The following FRYL variants were observed in gnomAD, a reference collection of about 807,000 sequenced individuals.
FRYL encodes the protein FRY like transcription coactivator, also known as protein furry homolog-like.
FRYL carries 150 observed loss-of-function variants against 351.2 expected under a neutral mutation model. That is an observed-to-expected ratio of 0.43 (90% CI 0.37 to 0.49). The LOEUF is 0.49. Ranked by LOEUF, FRYL falls within the 20% of genes least tolerant of loss-of-function variation. The pLI is 0.00. For synonymous variants in FRYL, 1,153 were observed against 1,257.1 expected, an observed-to-expected ratio of 0.92 and a Z score of 1.75; for missense variants, 3,036 against 3,619.3, an observed-to-expected ratio of 0.84 and a Z score of 4.13.
At position 48,521,088 on chromosome 4, in the gene FRYL, A is replaced by G. The variant is rs1724805001; in HGVS notation, c.7649T>C (p.Leu2550Ser). 1 of 1,613,374 alleles carries G rather than the reference A, an allele frequency of 6.2e-7. No individual in the cohort carries two copies. Among genetic ancestry groups the G allele is most frequent in the African/African-American group, 1.3e-5 (1 of 75,038 alleles). The change falls in exon 55 of 64, where the codon TTG (leucine) becomes TCG (serine). Residue 2550 changes from leucine (L) to serine (S), a missense_variant. Physicochemically the swap from Leu to Ser is moderately radical, Grantham distance 145 (BLOSUM62 -2). This residue lies in a region of FRYL where 1,987 missense variants were observed against 2,311.7 expected (regional missense o/e 0.86). Coordinates refer to ENST00000358350, the MANE Select transcript of FRYL (RefSeq NM_015030.2). ...GTTAGCATTATCTAGAGAAGCCTCC[A>G]AAGTTGGGGTCTCATCCCTGATTTG... ...VLQIRDETPT[L>S]EASLDNANSR...
intron 3 of FRYL, among the ~76,000 whole-genome samples, chr4:48,677,375 A>G (rs1763878946): frequency 6.6e-6 from 1 of 152,034 alleles, no homozygotes; most frequent in South Asian, 2.1e-4. Context: ...CTTACCTAAA[A>G]TATCTTAGGA....
rs145929769 is a variant in FRYL, at chr4:48,499,079, A to C, written c.*343T>G. ...CATTTCACCTGCTTTTGGTTGTTTC[A>C]GTATTGGAGGCCATTATTGCAAACA... is the stretch of plus-strand genomic sequence containing the variant. On this transcript the variant is annotated 3_prime_UTR_variant, in exon 64 of 64. Coordinates refer to ENST00000358350, the MANE Select transcript of FRYL (RefSeq NM_015030.2). 1.5e-4 allele frequency: 30 copies of C among 198,384 alleles called. No individual in the cohort carries two copies. Among genetic ancestry groups the C allele is most frequent in the African/African-American group, 5.9e-4 (25 of 42,238 alleles). The allele number at this position is 198,384 out of a possible 1,614,324, so 12.3% of individuals were successfully genotyped here. A position where few individuals can be genotyped will look rare whatever the true frequency, so the allele number is the denominator to read the frequency against.
chr4:48,546,222 G>T lies in FRYL; in HGVS notation c.5124C>A (p.Asp1708Glu). The T allele has an allele frequency of 6.2e-7, 1 of 1,613,842 alleles. No homozygotes were observed. Among genetic ancestry groups the T allele is most frequent in the Non-Finnish European group, 8.5e-7 (1 of 1,179,842 alleles). The change falls in exon 42 of 64, where the codon GAC becomes GAA. Residue 1708 changes from aspartate (D) to glutamate (E), a missense_variant. By Grantham distance (45) the Asp-to-Glu change is conservative. Transcript: ENST00000358350. ...IPDYQPSPMT[D>E]SGLSSSSTSS... ...AGGTAGAACTTGAGCTAAGCCCTGA[G>T]TCAGTCATAGGGGAGGGCTGGTAAT...
intron 3 of FRYL, among the ~76,000 whole-genome samples, chr4:48,649,682 A>G (rs752189916): frequency 2.0e-5 from 3 of 152,218 alleles, no homozygotes; most frequent in Non-Finnish European, 2.9e-5. Flanking sequence ...AACTGTTGGC[A>G]CAAAGACAAA....
Position 48,772,806 on chromosome 4 carries a change from C to T in FRYL, c.-384+7272G>A, listed in dbSNP as rs372949392. Among the ~76,000 whole-genome samples, 52 of 152,010 alleles carry T rather than the reference C, an allele frequency of 3.4e-4. No individual in the cohort carries two copies. The South Asian group carries it at 0.01, about 30-fold the overall frequency. ...GTTTATATCCTAAAAAGCAAGGCTG[C>T]ACTGCAGTAAGTAAACAAACTAATG... On this transcript the variant is annotated intron_variant, in intron 1 of 63. Transcript: ENST00000358350.
Position 48,521,193 on chromosome 4 carries a change from T to G in FRYL, c.7544A>C (p.Asp2515Ala). 1 of 1,609,070 alleles carries G rather than the reference T, an allele frequency of 6.2e-7. No homozygotes were observed. Reference protein sequence around the residue: ...TQMLNSDSATDETIPDHPDLL... With the variant: ...TQMLNSDSATAETIPDHPDLL... ...GTCAGGATGGTCTGGTATTGTTTCATCAGTGGCAGAATCACTGTTTAACTA... is the reference window on the plus strand; with the variant it reads ...GTCAGGATGGTCTGGTATTGTTTCAGCAGTGGCAGAATCACTGTTTAACTA... The change falls in exon 55 of 64, where the codon GAT becomes GCT. Residue 2515 changes from aspartate (D) to alanine (A), a missense_variant. Around this residue, in one of 7 missense-constraint regions of FRYL, gnomAD observed 1,987 missense variants for 2,311.7 expected, o/e 0.86. Coordinates refer to ENST00000358350, the MANE Select transcript of FRYL (RefSeq NM_015030.2).
chr4:48,604,563 T>C (rs1746360062), intron 11 of FRYL, among the ~76,000 whole-genome samples: 1 of 152,156 alleles, frequency 6.6e-6, no homozygotes, highest in African/African-American at 2.4e-5. Context: ...ACCATGCTTC[T>C]ACAAGCCAAG....
chr4:48,594,017 C>CT lies in FRYL; in HGVS notation c.1249-2dup. 7.0e-7 allele frequency: 1 copy of CT among 1,432,862 alleles called. No individual in the cohort carries two copies. The highest frequency in any genetic ancestry group is 9.3e-7 in the Non-Finnish European group (1 of 1,079,396). The allele number at this position is 1,432,862 out of a possible 1,614,324, so 88.8% of individuals were successfully genotyped here. A position where few individuals can be genotyped will look rare whatever the true frequency, so the allele number is the denominator to read the frequency against. On this transcript the variant is annotated splice_acceptor_variant, in intron 15 of 63. Coordinates refer to ENST00000358350, the MANE Select transcript of FRYL (RefSeq NM_015030.2). LOFTEE classifies it high-confidence loss of function. ...CTTTCATTGCAAAATCCAAGCGTTC[C>CT]TTAAAAAAAAAAAAATCCTTATAAC...
intron 59 of FRYL, chr4:48,506,548 T>C (rs748914428): frequency 6.8e-6 from 1 of 147,440 alleles, no homozygotes; most frequent in Non-Finnish European, 1.5e-5. Context: ...TTTGGACAGT[T>C]TGATATTATC....
intron 35 of FRYL, 146 bp from the exon 36 acceptor site, chr4:48,553,529 A>C: frequency 1.7e-6 from 1 of 605,868 alleles, no homozygotes; most frequent in Non-Finnish European, 2.9e-6. Context: ...CTGATCAACA[A>C]TAAGACATTA....
At position 48,596,078 on chromosome 4, in the gene FRYL, C is replaced by A. The variant is rs1744521741; in HGVS notation, c.1036-78G>T. ...CAGCAAACATATTCTCTGTCAACAA[C>A]TAAAAGCCAATCTTTTTTGTATTCA... On this transcript the variant is annotated intron_variant, in intron 13 of 63. Coordinates refer to ENST00000358350, the MANE Select transcript of FRYL (RefSeq NM_015030.2). 6.5e-6 allele frequency: 6 copies of A among 921,032 alleles called. No homozygotes were observed. The South Asian group carries it at 9.3e-5, about 14-fold the overall frequency. 57.1% of individuals were successfully genotyped at this position (921,032 alleles called of 1,614,324 possible). A position where few individuals can be genotyped will look rare whatever the true frequency, so the allele number is the denominator to read the frequency against.
Position 48,540,886 on chromosome 4 carries a change from C to T in FRYL, c.5762G>A (p.Ser1921Asn). 6.2e-7 allele frequency: 1 copy of T among 1,613,658 alleles called. No homozygotes were observed. Among genetic ancestry groups the T allele is most frequent in the Non-Finnish European group, 8.5e-7 (1 of 1,179,742 alleles). The change falls in exon 46 of 64, where the codon AGC (serine) becomes AAC (asparagine). Residue 1921 changes from serine to asparagine, a missense_variant. This residue lies in a region of FRYL where 1,987 missense variants were observed against 2,311.7 expected (regional missense o/e 0.86). Transcript: ENST00000358350. ...ACTGCTACTATTAATGGGACTTGTG[C>T]TTAGATTGAGTTGTCCAGTGCTTTT... ...NRKSTGQLNL[S>N]TSPINSSSYL...
chr4:48,513,597 T>C (rs1440964290), intron 56 of FRYL, among the ~76,000 whole-genome samples: 2 of 152,222 alleles, frequency 1.3e-5, no homozygotes, highest in South Asian at 2.1e-4. Context: ...GCTAGTTCTA[T>C]AAGGCTTTAC....
In FRYL at chr4:48,535,760, T is replaced by A; in HGVS notation, c.6461A>T (p.His2154Leu). The change falls in exon 48 of 64, where the codon CAC becomes CTC. Residue 2154 changes from histidine to leucine, a missense_variant. Physicochemically the swap from His to Leu is moderately conservative, Grantham distance 99. Around this residue, in one of 7 missense-constraint regions of FRYL, gnomAD observed 1,987 missense variants for 2,311.7 expected, o/e 0.86. Coordinates refer to ENST00000358350, the MANE Select transcript of FRYL (RefSeq NM_015030.2). ...GTTAGAACAGTCTCTGGAATACGTG[T>A]GTGTACTGTACAAACTCATCATGTG... ...LAHMMSLYST[H>L]TYSRDCSNWI... is the part of the protein sequence containing the mutation. 6.2e-7 allele frequency: 1 copy of A among 1,605,916 alleles called. No individual in the cohort carries two copies. Among genetic ancestry groups the A allele is most frequent in the Non-Finnish European group, 8.5e-7 (1 of 1,175,488 alleles).
intron 1 of FRYL, among the ~76,000 whole-genome samples, chr4:48,763,962 C>T (rs565295009): frequency 7.2e-5 from 11 of 151,832 alleles, no homozygotes; most frequent in Non-Finnish European, 1.5e-4. Context: ...TGAGGTGAGG[C>T]GTTCCAGATC....
chr4:48,675,071 G>A (rs1446217641), intron 3 of FRYL, among the ~76,000 whole-genome samples: 6 of 151,862 alleles, frequency 4.0e-5, no homozygotes, highest in South Asian at 2.1e-4. Context: ...TTTTTGACAC[G>A]GAGTCTCGCT....
chr4:48,619,331 C>T lies in FRYL; in HGVS notation c.354G>A (p.Arg118=), dbSNP rs777276741. 1 of 1,598,930 alleles carries T rather than the reference C, an allele frequency of 6.3e-7. No homozygotes were observed. The highest frequency in any genetic ancestry group is 2.2e-5 in the East Asian group (1 of 44,708). Residue 118 remains arginine, a synonymous_variant, in exon 7 of 64, where the codon AGG becomes AGA. Coordinates refer to ENST00000358350, the MANE Select transcript of FRYL (RefSeq NM_015030.2). ...AAATGAAGTCTACTGCTAAGTCCCT[C>T]CTTTCAAGAAGATAATCTCTTTCAC... ...QQRERDYLLE[R]RDLAVDFIFC...
intron 18 of FRYL, among the ~76,000 whole-genome samples, chr4:48,587,837 G>A (rs1262579174): frequency 9.9e-5 from 15 of 152,086 alleles, no homozygotes; most frequent in Admixed American, 2.0e-4. Context: ...GAGTCACCGC[G>A]CCTGGCCTTG....
At chr4:48,695,922 A>G (rs1172091788) in intron 2 of FRYL, among the ~76,000 whole-genome samples, 1 of 152,236 alleles carries the variant, frequency 6.6e-6, no homozygotes, top group Non-Finnish European at 1.5e-5. Context: ...AAATATATGA[A>G]AAACAGCTCA....
Sources: gnomAD v4.1 joint callset for allele counts (sites outside exome capture counted in the v4.1 genomes callset) on GRCh38, gnomAD v4.1.1 for gene constraint, gnomAD v4.1.1 regional missense constraint, MANE v1.5 for transcripts, NCBI Gene and HGNC (gene_info 2026-07-23, HGNC 2026-07-21) for gene names.